The following SVOP variants were observed in gnomAD, a reference collection of about 807,000 sequenced individuals.
The protein encoded by SVOP is synaptic vesicle 2-related protein.
SVOP carries 17 observed loss-of-function variants against 69.1 expected under a neutral mutation model. The observed-to-expected ratio is 0.25, with a 90% CI of 0.17 to 0.37. SVOP has a LOEUF of 0.37. Ranked by LOEUF, SVOP falls within the 10% of genes least tolerant of loss-of-function variation. The pLI, the probability that SVOP is intolerant of heterozygous loss-of-function variation, is 1.00. For synonymous variants in SVOP, 238 were observed against 238.6 expected, an observed-to-expected ratio of 1.00 and a Z score of 0.02; for missense variants, 435 against 597.5, an observed-to-expected ratio of 0.73 and a Z score of 2.84.
intron 1 of SVOP, among the ~76,000 whole-genome samples, chr12:109,009,566 C>A (rs2040329638): frequency 6.6e-6 from 1 of 151,986 alleles, no homozygotes; most frequent in African/African-American, 2.4e-5. Context: ...GCACCCGCCA[C>A]CACGCCCAGC....
intron 13 of SVOP, 47 bp downstream of exon 13, chr12:108,919,628 A>C: frequency 6.7e-7 from 1 of 1,485,814 alleles, no homozygotes; most frequent in Non-Finnish European, 9.2e-7. Context: ...CTGCACCCAC[A>C]CCTCCACCTG....
chr12:109,020,763 C>A (rs956655482), intron 1 of SVOP, 71 bp downstream of exon 1: 21 of 392,446 alleles, frequency 5.4e-5, no homozygotes, highest in Admixed American at 1.2e-4. Context: ...TACCCCCCCC[C>A]ACCCCCCTTG....
chr12:109,020,490 A>T (rs571330959), intron 1 of SVOP, among the ~76,000 whole-genome samples: 1 of 152,334 alleles, frequency 6.6e-6, no homozygotes, highest in East Asian at 1.9e-4. Context: ...GCATAGACTC[A>T]CCAATTCTGT....
In SVOP at chr12:108,986,454, A is replaced by G. The variant is rs150363958; in HGVS notation, c.36-2693T>C. On this transcript the variant is annotated intron_variant, in intron 1 of 15. Coordinates refer to ENST00000610966, the MANE Select transcript of SVOP (RefSeq NM_018711.5). ...TGAGATATTTCAAGCATATAAAATT[A>G]CATACATAACAATGAGAGAAATATC... 4.5e-4 allele frequency among the ~76,000 whole-genome samples: 68 copies of G among 152,362 alleles called. 1 individual carries two copies. The East Asian group carries it at 0.012, about 26-fold the overall frequency.
At chr12:108,918,549 C>A (rs2137387897) in intron 13 of SVOP, among the ~76,000 whole-genome samples, 1 of 152,284 alleles carries the variant, frequency 6.6e-6, no homozygotes, top group East Asian at 1.9e-4. Context: ...TGTCCCAGAA[C>A]ACTAACATTT....
chr12:109,016,974 T>C (rs1362726342), intron 1 of SVOP, among the ~76,000 whole-genome samples: 1 of 152,106 alleles, frequency 6.6e-6, no homozygotes, highest in African/African-American at 2.4e-5. Context: ...CAGTAGTTCT[T>C]GATAGCACTT....
chr12:108,942,273 T>A (rs1314618678), intron 7 of SVOP, among the ~76,000 whole-genome samples: 1 of 152,228 alleles, frequency 6.6e-6, no homozygotes, highest in Non-Finnish European at 1.5e-5. Flanking sequence ...TGCTTCCATG[T>A]CTTAGCTAGT....
chr12:108,966,833 T>A (rs1593193664), intron 5 of SVOP, among the ~76,000 whole-genome samples: 1 of 152,228 alleles, frequency 6.6e-6, no homozygotes. Flanking sequence ...AATTCAGTTA[T>A]GTCTCCCAGC....
intron 11 of SVOP, among the ~76,000 whole-genome samples, chr12:108,930,867 G>A (rs887736174): frequency 1.3e-5 from 2 of 152,204 alleles, no homozygotes; most frequent in Non-Finnish European, 2.9e-5. Flanking sequence ...CTTAAAATAT[G>A]CAAGGAGGCA....
intron 1 of SVOP, among the ~76,000 whole-genome samples, chr12:109,010,028 C>T (rs1593209467): frequency 6.7e-6 from 1 of 150,296 alleles, no homozygotes; most frequent in Non-Finnish European, 1.5e-5. Context: ...AAAGTTGAGG[C>T]GGGAGGATTG....
At chr12:108,990,694 AAAATAAAT>A (rs1249656827) in intron 1 of SVOP, among the ~76,000 whole-genome samples, 319 of 148,392 alleles carry the variant, frequency 2.1e-3, no homozygotes, top group African/African-American at 6.5e-3. Context: ...ACAAAACAGA[AAAATAAAT>A]AAATAAATAA....
rs1003905172 is a variant in SVOP at position 108,922,331 on chromosome 12, T to A, written c.1156+359A>T. Among the ~76,000 whole-genome samples, 3 of 152,180 alleles carry A rather than the reference T, an allele frequency of 2.0e-5. 1 individual carries two copies. The highest frequency in any genetic ancestry group is 1.5e-5 in the Non-Finnish European group (1 of 68,020). Reference sequence around the variant, plus strand: ...AGCTGTGTTGAAAATCCATTGCATGTGTAGCCTCCACGTGGGTCCTTCCTC... The same window carrying A: ...AGCTGTGTTGAAAATCCATTGCATGAGTAGCCTCCACGTGGGTCCTTCCTC... On this transcript the variant is annotated intron_variant, in intron 12 of 15. Coordinates refer to ENST00000610966, the MANE Select transcript of SVOP (RefSeq NM_018711.5).
chr12:108,939,271 C>A (rs926922410), intron 8 of SVOP, among the ~76,000 whole-genome samples: 2 of 152,118 alleles, frequency 1.3e-5, no homozygotes, highest in East Asian at 3.8e-4. Context: ...TGGGTTAATG[C>A]AGTTATTATT....
At chr12:109,019,720 T>C (rs1427881850) in intron 1 of SVOP, among the ~76,000 whole-genome samples, 1 of 152,166 alleles carries the variant, frequency 6.6e-6, no homozygotes, top group Non-Finnish European at 1.5e-5. Context: ...AGTAAAACTT[T>C]AAAGCAAATT....
In SVOP at chr12:109,002,814, G is replaced by A. The variant is rs1302603917; in HGVS notation, c.35+18020C>T. ...CACACTCTGGGGACTGTGGTGGGGT[G>A]GGGGGAGGGGGGAGGGATAGCATTG... On this transcript the variant is annotated intron_variant, in intron 1 of 15. Coordinates refer to ENST00000610966, the MANE Select transcript of SVOP (RefSeq NM_018711.5). Among the ~76,000 whole-genome samples the A allele has an allele frequency of 1.4e-3, 160 of 111,374 alleles. 3 individuals carry two copies. The highest frequency in any genetic ancestry group is 5.3e-3 in the African/African-American group (159 of 29,890). The allele number at this position is 111,374 out of a possible 152,430, so 73.1% of individuals were successfully genotyped here. A position where few individuals can be genotyped will look rare whatever the true frequency, so the allele number is the denominator to read the frequency against.
chr12:108,941,014 C>A (rs955292188), intron 7 of SVOP, 105 bp from the exon 8 acceptor site: 1 of 1,430,450 alleles, frequency 7.0e-7, no homozygotes, highest in Non-Finnish European at 9.3e-7. Context: ...AAGGGGTCAT[C>A]GGAGTCAGTA....
At chr12:108,957,488 C>T (rs1566057031) in intron 6 of SVOP, among the ~76,000 whole-genome samples, 1 of 152,142 alleles carries the variant, frequency 6.6e-6, no homozygotes, top group Non-Finnish European at 1.5e-5. Context: ...GCAACAGCTG[C>T]TACCCAGTAA....
intron 1 of SVOP, among the ~76,000 whole-genome samples, chr12:108,989,313 C>T (rs897079727): frequency 1.3e-5 from 2 of 152,154 alleles, no homozygotes; most frequent in Admixed American, 6.5e-5. Flanking sequence ...GGCCTCAAGC[C>T]ATCCTCCCGC....
In SVOP at chr12:108,978,461, T is replaced by C. The variant is rs183402587; in HGVS notation, c.282+117A>G. 12 of 579,894 alleles carry C rather than the reference T, an allele frequency of 2.1e-5. No homozygotes were observed. The Admixed American group carries it at 3.1e-4, about 15-fold the overall frequency. 35.9% of individuals were successfully genotyped at this position (579,894 alleles called of 1,614,324 possible). On this transcript the variant is annotated intron_variant, in intron 3 of 15. Transcript: ENST00000610966. ...GCCACATAAATTTTGTTGATTGAAA[T>C]TCAAGCAAAGGCTCCATGTGCAAAG... is the stretch of plus-strand genomic sequence containing the variant.
Sources: allele counts gnomAD v4.1 joint callset (sites outside exome capture counted in the v4.1 genomes callset), GRCh38; gene constraint gnomAD v4.1.1; transcripts MANE v1.5; gene names NCBI Gene and HGNC (gene_info 2026-07-23, HGNC 2026-07-21).